Variants in MAPRE3 observed in about 807,000 individuals in gnomAD.
MAPRE3 encodes microtubule-associated protein RP/EB family member 3.
A neutral mutation model predicts 30.5 loss-of-function variants in MAPRE3; 2 were observed. The observed-to-expected ratio is 0.07, with a 90% CI of 0.03 to 0.21. The LOEUF (loss-of-function observed/expected upper bound fraction) is 0.21. Among genes scored for constraint, MAPRE3 ranks in the 10% least tolerant of loss-of-function variants. The pLI, the probability that MAPRE3 is intolerant of heterozygous loss-of-function variation, is 1.00. For synonymous variants in MAPRE3, 110 were observed against 127.7 expected (o/e 0.86, Z 0.93); for missense variants, 204 against 351.8 (o/e 0.58, Z 3.36).
intron 1 of MAPRE3, among the ~76,000 whole-genome samples, chr2:27,011,612 G>A (rs945283901): frequency 2.0e-5 from 3 of 152,054 alleles, no homozygotes; most frequent in Non-Finnish European, 2.9e-5. Context: ...TTGGGAGGCT[G>A]AGGCAGGTGG....
At chr2:27,010,552 C>G (rs1342746970) in intron 1 of MAPRE3, among the ~76,000 whole-genome samples, 2 of 147,772 alleles carry the variant, frequency 1.4e-5, no homozygotes, top group African/African-American at 5.0e-5. Flanking sequence ...AAGCCATTAT[C>G]CTATCTCAGC....
At chr2:27,025,076 G>A (rs1415958059) in intron 4 of MAPRE3, among the ~76,000 whole-genome samples, 4 of 152,170 alleles carry the variant, frequency 2.6e-5, no homozygotes, top group African/African-American at 4.8e-5. Flanking sequence ...CCCTGATTTG[G>A]CCACCACTGT....
intron 1 of MAPRE3, among the ~76,000 whole-genome samples, chr2:26,975,468 G>A (rs1037874055): frequency 2.0e-5 from 3 of 152,104 alleles, no homozygotes; most frequent in Non-Finnish European, 4.4e-5. Context: ...AAAGAACCAG[G>A]GCAAGCTGTT....
At chr2:26,975,971 G>C (rs563076487) in intron 1 of MAPRE3, among the ~76,000 whole-genome samples, 174 of 152,086 alleles carry the variant, frequency 1.1e-3, no homozygotes, top group Non-Finnish European at 2.0e-3. Context: ...CTTGAGAATA[G>C]TCCCCTCCAT....
chr2:26,999,554 A>G (rs1248784379), intron 1 of MAPRE3, among the ~76,000 whole-genome samples: 1 of 121,774 alleles, frequency 8.2e-6, no homozygotes, highest in Non-Finnish European at 1.6e-5. Context: ...GCTGGAGTGC[A>G]GTGCAGTGGT....
intron 1 of MAPRE3, among the ~76,000 whole-genome samples, chr2:26,990,232 A>G (rs1245455236): frequency 1.3e-5 from 2 of 152,178 alleles, no homozygotes; most frequent in Non-Finnish European, 2.9e-5. Flanking sequence ...AGAACAGTGT[A>G]GCTCCCCTGG....
chr2:27,006,301 A>G (rs1018023330), intron 1 of MAPRE3, among the ~76,000 whole-genome samples: 1 of 152,236 alleles, frequency 6.6e-6, no homozygotes, highest in Non-Finnish European at 1.5e-5. Context: ...TTAGTAGACT[A>G]TTGATGTCTG....
At position 27,015,429 on chromosome 2, in the gene MAPRE3, T is replaced by A. The variant is rs1458579758; in HGVS notation, c.-7-6783T>A. ...AGGATTTGAACCCACCTGATGTGCC[T>A]GGAGATCTAGTGTTCTTAAGCACTA... is the stretch of plus-strand genomic sequence containing the variant. On this transcript the variant is annotated intron_variant, in intron 1 of 6. Coordinates refer to ENST00000233121, the MANE Select transcript of MAPRE3 (RefSeq NM_012326.4). The surrounding 1 kb of genome is among the most constrained non-coding windows in gnomAD (Gnocchi z 4.0). Among the ~76,000 whole-genome samples, 1 of 152,176 alleles carries A rather than the reference T, an allele frequency of 6.6e-6. No individual in the cohort carries two copies. The highest frequency in any genetic ancestry group is 1.5e-5 in the Non-Finnish European group (1 of 68,032).
chr2:27,025,858 A>T, intron 5 of MAPRE3, 22 bp from the exon 6 acceptor site: 2 of 1,614,124 alleles, frequency 1.2e-6, no homozygotes, highest in African/African-American at 1.3e-5. Flanking sequence ...TCTGGCTTGA[A>T]CATCACTTTG....
intron 1 of MAPRE3, among the ~76,000 whole-genome samples, chr2:26,999,448 T>G (rs1572755843): frequency 6.7e-6 from 1 of 149,674 alleles, no homozygotes; most frequent in East Asian, 2.0e-4. Flanking sequence ...AGGATTAGGG[T>G]CCAACTACAT....
chr2:26,984,811 T>G (rs1411872618), intron 1 of MAPRE3: 6 of 152,248 alleles, frequency 3.9e-5, no homozygotes, highest in Admixed American at 2.0e-4. Flanking sequence ...AGTAGTCATA[T>G]CAAGTTCCAG....
chr2:27,026,160 G>C, intron 6 of MAPRE3, 120 bp from the exon 7 acceptor site: 1 of 1,403,716 alleles, frequency 7.1e-7, no homozygotes. Flanking sequence ...ACTAGCCCAG[G>C]GTCACCCATT....
At chr2:27,022,814 C>T (rs1667138540) in intron 2 of MAPRE3, 1 of 167,628 alleles carries the variant, frequency 6.0e-6, no homozygotes, top group African/African-American at 2.4e-5. Context: ...AGCTGGAGGC[C>T]CTGAACTAGT....
intron 1 of MAPRE3, among the ~76,000 whole-genome samples, chr2:26,978,121 C>T (rs1468436543): frequency 2.0e-5 from 3 of 152,182 alleles, no homozygotes; most frequent in Non-Finnish European, 2.9e-5. Context: ...GAGACTCCAC[C>T]ACTCGGAGAG....
intron 1 of MAPRE3, among the ~76,000 whole-genome samples, chr2:27,000,289 T>G (rs1666564066): frequency 6.6e-6 from 1 of 152,124 alleles, no homozygotes; most frequent in Non-Finnish European, 1.5e-5. Flanking sequence ...TTGAAAGACA[T>G]GGTTTCTGCT....
At chr2:26,997,890 G>T (rs1014281646) in intron 1 of MAPRE3, among the ~76,000 whole-genome samples, 8 of 152,212 alleles carry the variant, frequency 5.3e-5, no homozygotes, top group Admixed American at 4.6e-4. Flanking sequence ...ACCTTAAGAA[G>T]TCATCTAAAC....
At chr2:26,996,190 T>C (rs1332409642) in intron 1 of MAPRE3, among the ~76,000 whole-genome samples, 1 of 151,364 alleles carries the variant, frequency 6.6e-6, no homozygotes, top group Non-Finnish European at 1.5e-5. Flanking sequence ...TCTTACTCTG[T>C]TGCCCGGGCT....
At chr2:27,018,171 C>T (rs1021178597) in intron 1 of MAPRE3, among the ~76,000 whole-genome samples, 2 of 152,178 alleles carry the variant, frequency 1.3e-5, no homozygotes, top group Non-Finnish European at 1.5e-5. Flanking sequence ...ACTCCCAGGG[C>T]CAACCTAAGA....
rs1665894673 is a variant in MAPRE3 at position 26,970,662 on chromosome 2, G to C, written c.-148G>C. The C allele has an allele frequency of 1.3e-5, 2 of 152,284 alleles. No homozygotes were observed. The highest frequency in any genetic ancestry group is 4.1e-4 in the South Asian group (2 of 4,836). The allele number at this position is 152,284 out of a possible 1,614,324, so 9.4% of individuals were successfully genotyped here. ...AGTGCCCTCGTCCCCCGCAGTCTCT[G>C]TGCGTTGAAGCCGGAGACCGCGGCG... On this transcript the variant is annotated 5_prime_UTR_variant, in exon 1 of 7. Coordinates refer to ENST00000233121, the MANE Select transcript of MAPRE3 (RefSeq NM_012326.4).
Sources: gnomAD v4.1 joint callset for allele counts (sites outside exome capture counted in the v4.1 genomes callset) on GRCh38, gnomAD v4.1.1 for gene constraint, Gnocchi (gnomAD v3.1) non-coding constraint, MANE v1.5 for transcripts, NCBI Gene and HGNC (gene_info 2026-07-23, HGNC 2026-07-21) for gene names.